Variants in OR9Q1 observed in about 807,000 individuals in gnomAD.
OR9Q1 encodes the protein olfactory receptor 9Q1.
For synonymous variants in OR9Q1, 153 were observed against 148.6 expected (o/e 1.03, Z -0.22); for missense variants, 374 against 378.8 (o/e 0.99, Z 0.11).
At chr11:58,025,532 C>T (rs1186649598) in intron 1 of OR9Q1, among the ~76,000 whole-genome samples, 2 of 152,180 alleles carry the variant, frequency 1.3e-5, no homozygotes, top group Non-Finnish European at 2.9e-5. Context: ...AGCTCATCTT[C>T]CTACCAACAC....
At chr11:58,125,540 GCTGA>G (rs1177163692) in intron 2 of OR9Q1, 1 of 152,180 alleles carries the variant, frequency 6.6e-6, no homozygotes, top group Non-Finnish European at 1.5e-5. Flanking sequence ...GACGTATGTA[GCTGA>G]CTGACTTTAG....
chr11:58,111,933 A>G (rs1263806920), intron 2 of OR9Q1, among the ~76,000 whole-genome samples: 1 of 152,106 alleles, frequency 6.6e-6, no homozygotes, highest in Non-Finnish European at 1.5e-5. Flanking sequence ...ATGCTTCAGG[A>G]CATGCTTGAC....
Position 58,052,619 on chromosome 11 carries a change from GAAA to G in OR9Q1, c.-92-3237_-92-3235del, listed in dbSNP as rs201518399. Among the ~76,000 whole-genome samples the G allele has an allele frequency of 7.0e-3, 353 of 50,264 alleles. 5 individuals carry two copies. Among genetic ancestry groups the G allele is most frequent in the African/African-American group, 0.025 (287 of 11,616 alleles). 33.0% of individuals were successfully genotyped at this position (50,264 alleles called of 152,430 possible). A position where few individuals can be genotyped will look rare whatever the true frequency, so the allele number is the denominator to read the frequency against. ...TAATAATAAAAAAAAAGAAAAAAAGGAAAAAAAAAAAAAAAAGAAACTACCATC... is the reference window on the plus strand; with the variant it reads ...TAATAATAAAAAAAAAGAAAAAAAGGAAAAAAAAAAAAAGAAACTACCATC... On this transcript the variant is annotated intron_variant, in intron 1 of 2. Coordinates refer to ENST00000335397, the MANE Select transcript of OR9Q1 (RefSeq NM_001005212.4).
At chr11:58,136,667 CT>C in intron 2 of OR9Q1, among the ~76,000 whole-genome samples, 1 of 152,194 alleles carries the variant, frequency 6.6e-6, no homozygotes, top group East Asian at 1.9e-4. Context: ...GAGAACCAAA[CT>C]TCTAGCTCCT....
intron 2 of OR9Q1, among the ~76,000 whole-genome samples, chr11:58,092,624 T>A (rs1853695295): frequency 6.6e-6 from 1 of 152,180 alleles, no homozygotes; most frequent in Non-Finnish European, 1.5e-5. Flanking sequence ...CAGAATTACA[T>A]GTCATGCACT....
intron 1 of OR9Q1, among the ~76,000 whole-genome samples, chr11:58,048,089 A>G (rs575583702): frequency 1.3e-5 from 2 of 152,216 alleles, no homozygotes; most frequent in East Asian, 3.9e-4. Context: ...ATCTTGCCTA[A>G]GACTGCTTCA....
At chr11:58,054,133 C>A (rs1057173381) in intron 1 of OR9Q1, among the ~76,000 whole-genome samples, 4 of 152,106 alleles carry the variant, frequency 2.6e-5, no homozygotes, top group Non-Finnish European at 5.9e-5. Flanking sequence ...GTTAATTATA[C>A]CTGAATAAAG....
chr11:58,126,758 G>A (rs1244212487), intron 2 of OR9Q1, among the ~76,000 whole-genome samples: 2 of 152,156 alleles, frequency 1.3e-5, no homozygotes, highest in Non-Finnish European at 2.9e-5. Context: ...GGTATAGAAG[G>A]TAGAGTGGTA....
At chr11:58,087,958 G>A (rs1389737269) in intron 2 of OR9Q1, among the ~76,000 whole-genome samples, 1 of 151,658 alleles carries the variant, frequency 6.6e-6, no homozygotes, top group Admixed American at 6.6e-5. Context: ...GTGTGATCTC[G>A]TTCACTGCAA....
chr11:58,159,139 GA>G lies in OR9Q1; in HGVS notation c.-14-20283del, dbSNP rs201642260. ...ACTAACGTGTAAAATAAGACCTTCA[GA>G]AAAAAAAATGTGTTGTCATCTGAGA... On this transcript the variant is annotated intron_variant, in intron 2 of 2. Coordinates refer to ENST00000335397, the MANE Select transcript of OR9Q1 (RefSeq NM_001005212.4). Among the ~76,000 whole-genome samples, 5 of 151,012 alleles carry G rather than the reference GA, an allele frequency of 3.3e-5. No homozygotes were observed. The East Asian group carries it at 9.7e-4, about 29-fold the overall frequency.
chr11:58,073,238 G>T, intron 2 of OR9Q1: 2 of 223,164 alleles, frequency 9.0e-6, no homozygotes, highest in South Asian at 1.8e-4. Context: ...GACAGTGTAT[G>T]ACTCAATAAG....
rs537805446 is a variant in OR9Q1 at position 58,169,338 on chromosome 11, A to G, written c.-14-10093A>G. On this transcript the variant is annotated intron_variant, in intron 2 of 2. Coordinates refer to ENST00000335397, the MANE Select transcript of OR9Q1 (RefSeq NM_001005212.4). ...ATCTGAAGGCTTAAGATTTGTTTTT[A>G]AGCTCAAATAAATTTCCTCCTTTTT... 1.5e-4 allele frequency among the ~76,000 whole-genome samples: 23 copies of G among 152,230 alleles called. No individual in the cohort carries two copies. In the South Asian group the frequency reaches 4.2e-3, roughly 27 times the overall value.
intron 1 of OR9Q1, among the ~76,000 whole-genome samples, chr11:58,046,231 C>T (rs1853215063): frequency 1.3e-5 from 2 of 152,156 alleles, no homozygotes; most frequent in African/African-American, 2.4e-5. Flanking sequence ...CTAATTTCTT[C>T]CCTGGAACTC....
At chr11:58,111,694 G>C (rs1222847755) in intron 2 of OR9Q1, among the ~76,000 whole-genome samples, 2 of 152,072 alleles carry the variant, frequency 1.3e-5, no homozygotes, top group African/African-American at 4.8e-5. Flanking sequence ...CATGCCTTCA[G>C]CCTGGGTTGC....
At position 58,038,737 on chromosome 11, in the gene OR9Q1, C is replaced by T. The variant is rs573980413; in HGVS notation, c.-93+14633C>T. On this transcript the variant is annotated intron_variant, in intron 1 of 2. Coordinates refer to ENST00000335397, the MANE Select transcript of OR9Q1 (RefSeq NM_001005212.4). ...TTGTCAAAAGCTCTGGTATAACTCT[C>T]CTTCACTGACATTCTTCTGGTCTCT... is the stretch of plus-strand genomic sequence containing the variant. 4.8e-4 allele frequency among the ~76,000 whole-genome samples: 73 copies of T among 152,308 alleles called. 1 individual carries two copies. The highest frequency in any genetic ancestry group is 1.7e-3 in the African/African-American group (72 of 41,570).
intron 2 of OR9Q1, among the ~76,000 whole-genome samples, chr11:58,127,809 G>C (rs1051587378): frequency 6.6e-6 from 1 of 152,190 alleles, no homozygotes; most frequent in Non-Finnish European, 1.5e-5. Context: ...GAAGTTAAGA[G>C]AGGAAGAAAG....
At chr11:58,068,903 G>A (rs143246538) in intron 2 of OR9Q1, among the ~76,000 whole-genome samples, 1 of 152,174 alleles carries the variant, frequency 6.6e-6, no homozygotes, top group Non-Finnish European at 1.5e-5. Flanking sequence ...CTGGAGATTC[G>A]CATCCATGAA....
At position 58,053,625 on chromosome 11, in the gene OR9Q1, AT is replaced by A. The variant is rs1490364119; in HGVS notation, c.-92-2244del. On this transcript the variant is annotated intron_variant, in intron 1 of 2. Transcript: ENST00000335397. ...ATAAAATTAAAAAATATATATATAT[AT>A]AAAATATATATATATATAAATTATA... 9.0e-3 allele frequency among the ~76,000 whole-genome samples: 1,006 copies of A among 111,344 alleles called. 20 individuals carry two copies. Among genetic ancestry groups the A allele is most frequent in the African/African-American group, 0.037 (896 of 24,534 alleles). The allele number at this position is 111,344 out of a possible 152,430, so 73.0% of individuals were successfully genotyped here. A position where few individuals can be genotyped will look rare whatever the true frequency, so the allele number is the denominator to read the frequency against.
At chr11:58,172,694 A>T (rs922213267) in intron 2 of OR9Q1, among the ~76,000 whole-genome samples, 1 of 152,198 alleles carries the variant, frequency 6.6e-6, no homozygotes, top group African/African-American at 2.4e-5. Context: ...TGTTGTGGGT[A>T]CATAGTAGGT....
Sources: gnomAD v4.1 joint callset for allele counts (sites outside exome capture counted in the v4.1 genomes callset) on GRCh38, gnomAD v4.1.1 for gene constraint, MANE v1.5 for transcripts, NCBI Gene and HGNC (gene_info 2026-07-23, HGNC 2026-07-21) for gene names.